Variants in SHISA6 observed in about 807,000 individuals in gnomAD.
The protein encoded by SHISA6 is protein shisa-6.
In SHISA6, 22 loss-of-function variants were observed where a neutral mutation model predicts 47.9. The observed-to-expected ratio is 0.46, with a 90% CI of 0.33 to 0.66. The LOEUF (loss-of-function observed/expected upper bound fraction) is 0.66. SHISA6 is among the 30% of genes least tolerant of loss of function. The probability of loss-of-function intolerance (pLI) is 0.02; values close to 1 mark genes in which losing one functional copy is unlikely to be tolerated. For missense variants in SHISA6, 680 were observed against 764.6 expected, an observed-to-expected ratio of 0.89 and a Z score of 1.30; for synonymous variants, 388 against 337.8, an observed-to-expected ratio of 1.15 and a Z score of -1.63.
At chr17:11,376,563 A>T (rs192020335) in intron 2 of SHISA6, among the ~76,000 whole-genome samples, 56 of 151,928 alleles carry the variant, frequency 3.7e-4, no homozygotes, top group African/African-American at 1.3e-3. Flanking sequence ...TGACCTCATG[A>T]TCCACCCACC....
intron 3 of SHISA6, among the ~76,000 whole-genome samples, chr17:11,524,460 T>G (rs2071658321): frequency 6.6e-6 from 1 of 151,960 alleles, no homozygotes; most frequent in Non-Finnish European, 1.5e-5. Flanking sequence ...TAATTTTATT[T>G]ATTTTTCCAT....
intron 2 of SHISA6, among the ~76,000 whole-genome samples, chr17:11,284,105 C>T (rs776776664): frequency 5.9e-5 from 9 of 152,032 alleles, no homozygotes; most frequent in Admixed American, 1.3e-4. Flanking sequence ...TGTACAAACA[C>T]GTAGGCATGC....
intron 2 of SHISA6, among the ~76,000 whole-genome samples, chr17:11,296,611 G>C (rs1269145169): frequency 2.6e-5 from 4 of 152,152 alleles, no homozygotes; most frequent in Non-Finnish European, 4.4e-5. Flanking sequence ...CTTACCTATA[G>C]AGCCCAGGAG....
At chr17:11,524,591 G>A (rs1411303406) in intron 3 of SHISA6, among the ~76,000 whole-genome samples, 1 of 151,606 alleles carries the variant, frequency 6.6e-6, no homozygotes, top group African/African-American at 2.4e-5. Context: ...CTGCCTCCCG[G>A]GTTCAAGCGA....
chr17:11,250,434 C>T (rs1265918089), intron 1 of SHISA6, among the ~76,000 whole-genome samples: 14 of 152,210 alleles, frequency 9.2e-5, no homozygotes, highest in Admixed American at 8.5e-4. Flanking sequence ...TATCACCACT[C>T]GCTCCACCCC....
chr17:11,307,143 C>CTT (rs56109461), intron 2 of SHISA6, among the ~76,000 whole-genome samples: 55 of 145,310 alleles, frequency 3.8e-4, no homozygotes, highest in South Asian at 1.7e-3. Context: ...TGTTTGTTTT[C>CTT]TTTTTTTTTC....
In SHISA6 at chr17:11,336,479, A is replaced by G. The variant is rs558688080; in HGVS notation, c.800-42935A>G. ...TGATGGACCCTTCCCCAGAGACCCC[A>G]ATATTGGGCTCATGGGGCACCTCCT... On this transcript the variant is annotated intron_variant, in intron 2 of 5. Transcript: ENST00000441885. 1.3e-4 allele frequency among the ~76,000 whole-genome samples: 20 copies of G among 152,184 alleles called. No individual in the cohort carries two copies. The East Asian group carries it at 3.9e-3, about 29-fold the overall frequency.
chr17:11,282,784 C>A (rs961468564), intron 2 of SHISA6, among the ~76,000 whole-genome samples: 17 of 152,174 alleles, frequency 1.1e-4, no homozygotes, highest in African/African-American at 3.9e-4. Flanking sequence ...AGCATCTGTC[C>A]AGCCCCAACC....
At chr17:11,473,410 G>A (rs144204177) in intron 3 of SHISA6, among the ~76,000 whole-genome samples, 139 of 152,164 alleles carry the variant, frequency 9.1e-4, no homozygotes, top group African/African-American at 3.2e-3. Flanking sequence ...ATTCTGACTC[G>A]AAGATGACAC....
At chr17:11,469,278 A>C (rs752364423) in intron 3 of SHISA6, among the ~76,000 whole-genome samples, 38 of 152,120 alleles carry the variant, frequency 2.5e-4, no homozygotes, top group Non-Finnish European at 5.0e-4. Flanking sequence ...AATAGGGAGG[A>C]AGCAAGATGC....
Position 11,263,350 on chromosome 17 carries a change from T to C in SHISA6, c.639-16T>C, listed in dbSNP as rs1567553996. 1 of 1,551,736 alleles carries C rather than the reference T, an allele frequency of 6.4e-7. No homozygotes were observed. The highest frequency in any genetic ancestry group is 8.7e-7 in the Non-Finnish European group (1 of 1,146,868). ...CTGCTCAGTGAATCTCATTATGTGA[T>C]CTCCTCCTTGTTTAGGGCTCTGGCT... On this transcript the variant is annotated splice_polypyrimidine_tract_variant and intron_variant, in intron 1 of 5. Transcript: ENST00000441885.
At position 11,395,540 on chromosome 17, in the gene SHISA6, G is replaced by A. The variant is rs368239637; in HGVS notation, c.895+16031G>A. On this transcript the variant is annotated intron_variant, in intron 3 of 5. Transcript: ENST00000441885. ...TTTTTTTTTTTTTTTTTTTTGAGAC[G>A]GAGTTTTGCTCTTGTTGCCCAGGCT... Among the ~76,000 whole-genome samples the A allele has an allele frequency of 2.3e-3, 293 of 129,920 alleles. 13 individuals carry two copies. In the South Asian group the frequency reaches 0.066, roughly 29 times the overall value. The allele number at this position is 129,920 out of a possible 152,430, so 85.2% of individuals were successfully genotyped here. A position where few individuals can be genotyped will look rare whatever the true frequency, so the allele number is the denominator to read the frequency against.
At chr17:11,275,399 G>A (rs775214809) in intron 2 of SHISA6, among the ~76,000 whole-genome samples, 1 of 152,158 alleles carries the variant, frequency 6.6e-6, no homozygotes, top group Non-Finnish European at 1.5e-5. Context: ...GCCAGAGAAG[G>A]AGGATGGCAA....
intron 2 of SHISA6, among the ~76,000 whole-genome samples, chr17:11,339,473 A>G (rs1217216491): frequency 1.3e-5 from 2 of 152,194 alleles, no homozygotes; most frequent in Non-Finnish European, 2.9e-5. Flanking sequence ...TCTACAAGAA[A>G]CGTGTTTCAT....
chr17:11,441,062 G>A lies in SHISA6; in HGVS notation c.895+61553G>A, dbSNP rs188601439. ...TCACTCACTGCCACCTTCTCACAGA[G>A]CATCAGCCTCTCCTGAGGAACAACA... On this transcript the variant is annotated intron_variant, in intron 3 of 5. Coordinates refer to ENST00000441885, the MANE Select transcript of SHISA6 (RefSeq NM_207386.4). 1.8e-3 allele frequency among the ~76,000 whole-genome samples: 271 copies of A among 152,216 alleles called. 1 individual carries two copies. Among genetic ancestry groups the A allele is most frequent in the African/African-American group, 5.7e-3 (235 of 41,546 alleles).
At chr17:11,422,373 C>T (rs1291544188) in intron 3 of SHISA6, among the ~76,000 whole-genome samples, 1 of 152,150 alleles carries the variant, frequency 6.6e-6, no homozygotes, top group Non-Finnish European at 1.5e-5. Flanking sequence ...AAGCCACTAC[C>T]GAGCCCAGTC....
chr17:11,347,935 T>G (rs191081905), intron 2 of SHISA6, among the ~76,000 whole-genome samples: 13 of 152,296 alleles, frequency 8.5e-5, no homozygotes, highest in Non-Finnish European at 1.6e-4. Flanking sequence ...GAAAGATCCT[T>G]GGGGATGTAT....
In SHISA6 at chr17:11,560,447, G is replaced by A. The variant is rs2072032028; in HGVS notation, c.*2143G>A. ...AAGGTGAGGCTAAGAGGGTTGGAAAGGAAGAAGTGAGTCTGAATAGAGCAG... is the reference window on the plus strand; with the variant it reads ...AAGGTGAGGCTAAGAGGGTTGGAAAAGAAGAAGTGAGTCTGAATAGAGCAG... On this transcript the variant is annotated 3_prime_UTR_variant, in exon 6 of 6. Coordinates refer to ENST00000441885, the MANE Select transcript of SHISA6 (RefSeq NM_207386.4). The A allele has an allele frequency of 6.6e-6, 1 of 152,436 alleles. No homozygotes were observed. Among genetic ancestry groups the A allele is most frequent in the Non-Finnish European group, 1.5e-5 (1 of 68,242 alleles). 9.4% of individuals were successfully genotyped at this position (152,436 alleles called of 1,614,324 possible).
At chr17:11,257,735 C>T (rs1908072596) in intron 1 of SHISA6, among the ~76,000 whole-genome samples, 2 of 151,948 alleles carry the variant, frequency 1.3e-5, no homozygotes, top group South Asian at 2.1e-4. Flanking sequence ...AGGAAAAGCT[C>T]AGTTATCTGG....
Sources: allele counts gnomAD v4.1 joint callset (sites outside exome capture counted in the v4.1 genomes callset), GRCh38; gene constraint gnomAD v4.1.1; transcripts MANE v1.5; gene names NCBI Gene and HGNC (gene_info 2026-07-23, HGNC 2026-07-21).